LRFN1: variants seen among roughly 807,000 people sequenced by gnomAD.
LRFN1 encodes leucine rich repeat and fibronectin type III domain containing 1.
In LRFN1, 20 loss-of-function variants were observed where a neutral mutation model predicts 31.8. That is an observed-to-expected ratio of 0.63 (90% confidence interval 0.44 to 0.91). The LOEUF (loss-of-function observed/expected upper bound fraction) is 0.91. Among genes scored for constraint, LRFN1 ranks in the 40% least tolerant of loss-of-function variants. LRFN1 has a pLI of 0.00. For missense variants in LRFN1, 912 were observed against 1,129.8 expected (o/e 0.81, Z 2.76); for synonymous variants, 514 against 541.3 (o/e 0.95, Z 0.70).
chr19:39,313,601 A>C (rs1243365617), intron 4 of LRFN1, among the ~76,000 whole-genome samples: 2 of 152,172 alleles, frequency 1.3e-5, no homozygotes, highest in African/African-American at 4.8e-5. Context: ...TGTTTAACTG[A>C]AGAGGTGCAC....
At chr19:39,319,966 T>C (rs1456089893) in intron 1 of LRFN1, among the ~76,000 whole-genome samples, 1 of 146,940 alleles carries the variant, frequency 6.8e-6, no homozygotes, top group Non-Finnish European at 1.5e-5. Flanking sequence ...TGCAGATGTC[T>C]GGCCGGTGGG....
intron 1 of LRFN1, among the ~76,000 whole-genome samples, chr19:39,319,031 CAT>C (rs2075180177): frequency 2.0e-5 from 3 of 152,238 alleles, no homozygotes; most frequent in Admixed American, 6.5e-5. Flanking sequence ...GGCACAGACA[CAT>C]GTGTCTTTCA....
chr19:39,313,446 G>A (rs931604198), intron 4 of LRFN1, among the ~76,000 whole-genome samples: 1 of 152,320 alleles, frequency 6.6e-6, no homozygotes. Flanking sequence ...GACGAGATTC[G>A]CTTGAACCCG....
chr19:39,314,413 C>T lies in LRFN1; in HGVS notation c.924G>A (p.Arg308=). 1 of 1,604,062 alleles carries T rather than the reference C, an allele frequency of 6.2e-7. No homozygotes were observed. The highest frequency in any genetic ancestry group is 8.5e-7 in the Non-Finnish European group (1 of 1,176,924). Residue 308 remains arginine, a synonymous_variant, in exon 4 of 5, where the codon CGG becomes CGA. Transcript: ENST00000248668. ...PPLITRQAGG[R]ALVVEGQAVS... Reference sequence around the variant, plus strand: ...CCGCCTGGCCTTCCACCACCAGGGCCCGGCCCCCCGCCTGCCGTGTGATCA... The same window carrying T: ...CCGCCTGGCCTTCCACCACCAGGGCTCGGCCCCCCGCCTGCCGTGTGATCA...
In LRFN1 at chr19:39,308,376, G is replaced by C. The variant is rs776635148; in HGVS notation, c.1573C>G (p.Arg525Gly). Residue 525 changes from arginine (R) to glycine (G), a missense_variant, in exon 5 of 5, where the codon CGC becomes GGC. This residue lies in a region of LRFN1 where 511 missense variants were observed against 557.0 expected (regional missense o/e 0.92). Transcript: ENST00000248668. The surrounding 1 kb of genome is among the most constrained non-coding windows in gnomAD (Gnocchi z 6.2). The part of the protein sequence containing the change: ...FTTAGDPAPC[R>G]PLRAHFLGGT... Reference sequence around the variant, plus strand: ...CCCAAGAAATGGGCCCTCAGCGGGCGGCAGGGCGCCGGATCCCCAGCGGTG... The same window carrying C: ...CCCAAGAAATGGGCCCTCAGCGGGCCGCAGGGCGCCGGATCCCCAGCGGTG... 9 of 1,611,696 alleles carry C rather than the reference G, an allele frequency of 5.6e-6. No individual in the cohort carries two copies. In the South Asian group the frequency reaches 9.9e-5, roughly 18 times the overall value.
Position 39,308,494 on chromosome 19 carries a change from C to A in LRFN1, c.1455G>T (p.Ala485=). The A allele has an allele frequency of 1.2e-6, 2 of 1,601,648 alleles. No homozygotes were observed. Among genetic ancestry groups the A allele is most frequent in the Non-Finnish European group, 1.7e-6 (2 of 1,179,178 alleles). Residue 485 remains alanine (A), a synonymous_variant, in exon 5 of 5, where the codon GCG becomes GCT. Coordinates refer to ENST00000248668, the MANE Select transcript of LRFN1 (RefSeq NM_020862.2). The surrounding 1 kb of genome is among the most constrained non-coding windows in gnomAD (Gnocchi z 6.2). ...GCACGCACAAGTCGTAGGCACGGCC[C>A]GCCGCCAGGTCATTCACCAGGAAGG... ...SQTFLVNDLA[A]GRAYDLCVLA... is the part of the protein sequence containing the mutation.
Position 39,307,675 on chromosome 19 carries a change from C to T in LRFN1, c.2274G>A (p.Leu758=), listed in dbSNP as rs769355365. ...GCATCCACTCGGTGCTGGTGAAAGC[C>T]AGGCACGCCCTGGCGGAGCCCAGCC... The part of the protein sequence containing the change: ...DLGLGSARAC[L]AFTSTEWMLE... The change falls in exon 5 of 5, where the codon CTG becomes CTA. Residue 758 remains leucine, a synonymous_variant. Transcript: ENST00000248668. The surrounding 1 kb of genome is among the most constrained non-coding windows in gnomAD (Gnocchi z 6.7). 39 of 1,497,588 alleles carry T rather than the reference C, an allele frequency of 2.6e-5. No individual in the cohort carries two copies. Among genetic ancestry groups the T allele is most frequent in the Non-Finnish European group, 3.4e-5 (38 of 1,132,222 alleles). 92.8% of individuals were successfully genotyped at this position (1,497,588 alleles called of 1,614,324 possible).
rs778872384 is a variant in LRFN1 at position 39,313,983 on chromosome 19, G to T, written c.1354C>A (p.Arg452Ser). Residue 452 changes from arginine to serine, a missense_variant, in exon 4 of 5, where the codon CGC (arginine) becomes AGC (serine). This residue lies in a region of LRFN1 where 511 missense variants were observed against 557.0 expected (regional missense o/e 0.92). Transcript: ENST00000248668. ...WPAQRPVPGI[R>S]MYQVQYNSSV... is the part of the protein sequence containing the mutation. ...CTGTTGTACTGAACCTGGTACATGC[G>T]TATTCCGGGCACAGGCCTCTGGGCT... The T allele has an allele frequency of 6.2e-7, 1 of 1,608,960 alleles. No homozygotes were observed.
intron 4 of LRFN1, among the ~76,000 whole-genome samples, chr19:39,309,478 CAAAAAAAAAAAAAAAA>C (rs71169583): frequency 6.2e-5 from 2 of 32,004 alleles, no homozygotes; most frequent in Non-Finnish European, 1.1e-4. Context: ...ACAAACAAAC[CAAAAAAAAAAAAAAAA>C]AAAAAAAAAA....
At chr19:39,319,535 C>T (rs999467160) in intron 1 of LRFN1, among the ~76,000 whole-genome samples, 14 of 152,154 alleles carry the variant, frequency 9.2e-5, no homozygotes, top group Admixed American at 2.6e-4. Context: ...TTTGCAGACA[C>T]GCCAAGATGT....
Position 39,315,369 on chromosome 19 carries a change from G to A in LRFN1, c.-33C>T. On this transcript the variant is annotated 5_prime_UTR_variant, in exon 4 of 5. Transcript: ENST00000248668. The surrounding 1 kb of genome is among the most constrained non-coding windows in gnomAD (Gnocchi z 4.7). Reference sequence around the variant, plus strand: ...TGGGAAGGCAGGAGGGGTGGGAGGTGAGACCTGCCGGGGAAGGAGCCGGTT... The same window carrying A: ...TGGGAAGGCAGGAGGGGTGGGAGGTAAGACCTGCCGGGGAAGGAGCCGGTT... The A allele has an allele frequency of 9.8e-6, 14 of 1,429,094 alleles. No homozygotes were observed. The highest frequency in any genetic ancestry group is 1.3e-5 in the Non-Finnish European group (14 of 1,093,282). 88.5% of individuals were successfully genotyped at this position (1,429,094 alleles called of 1,614,324 possible).
chr19:39,313,824 C>T (rs1023658915), intron 4 of LRFN1, 107 bp downstream of exon 4: 1 of 1,018,916 alleles, frequency 9.8e-7, no homozygotes, highest in Admixed American at 2.7e-5. Context: ...GCTCTCACAG[C>T]CATCTAGAAC....
intron 4 of LRFN1, 34 bp downstream of exon 4, chr19:39,313,897 G>T: frequency 6.4e-7 from 1 of 1,551,290 alleles, no homozygotes; most frequent in South Asian, 1.2e-5. Flanking sequence ...CTGGGCTTGG[G>T]AGGAGGCCCT....
rs2075131442 is a variant in LRFN1, at chr19:39,307,136, C to T, written c.*497G>A. The T allele has an allele frequency of 3.5e-5, 14 of 396,862 alleles. No homozygotes were observed. Among genetic ancestry groups the T allele is most frequent in the Admixed American group, 3.5e-4 (8 of 22,678 alleles). 24.6% of individuals were successfully genotyped at this position (396,862 alleles called of 1,614,324 possible). On this transcript the variant is annotated 3_prime_UTR_variant, in exon 5 of 5. Coordinates refer to ENST00000248668, the MANE Select transcript of LRFN1 (RefSeq NM_020862.2). The surrounding 1 kb of genome is among the most constrained non-coding windows in gnomAD (Gnocchi z 6.7). Reference sequence around the variant, plus strand: ...GAGGGAAACAGAGAAAGGGGGACCCCAAGCCAGACCCGACCGGACCAGGAA... The same window carrying T: ...GAGGGAAACAGAGAAAGGGGGACCCTAAGCCAGACCCGACCGGACCAGGAA...
intron 2 of LRFN1, among the ~76,000 whole-genome samples, chr19:39,317,381 G>A (rs553510494): frequency 1.3e-5 from 2 of 152,206 alleles, no homozygotes; most frequent in East Asian, 3.9e-4. Context: ...ACTCTACAAT[G>A]TACTGGAAAC....
At position 39,315,088 on chromosome 19, in the gene LRFN1, T is replaced by TCGGCGGCGCA; in HGVS notation, c.239_248dup (p.Asp84AlafsTer78). On this transcript the variant is annotated frameshift_variant, in exon 4 of 5. Coordinates refer to ENST00000248668, the MANE Select transcript of LRFN1 (RefSeq NM_020862.2). LOFTEE classifies it high-confidence loss of function. The surrounding 1 kb of genome is among the most constrained non-coding windows in gnomAD (Gnocchi z 4.7). ...CCAGGCTGGTCATGTTGGCGAAGTC[T>TCGGCGGCGCA]CGGCGGCGCACGGCGGCGATGAAGT... 1 of 1,595,390 alleles carries TCGGCGGCGCA rather than the reference T, an allele frequency of 6.3e-7. No individual in the cohort carries two copies. Among genetic ancestry groups the TCGGCGGCGCA allele is most frequent in the Non-Finnish European group, 8.5e-7 (1 of 1,178,214 alleles).
At position 39,314,079 on chromosome 19, in the gene LRFN1, T is replaced by C. The variant is rs754005367; in HGVS notation, c.1258A>G (p.Asn420Asp). ...AGCCGACGCTCAGCCGCAGAATCGT[T>C]GGCACCTGGTCTGCCCGGCGTGGCG... ...DIATPGRPGA[N>D]DSAAERRLVA... The change falls in exon 4 of 5, where the codon AAC becomes GAC. Residue 420 changes from asparagine to aspartate, a missense_variant. Coordinates refer to ENST00000248668, the MANE Select transcript of LRFN1 (RefSeq NM_020862.2). 1 of 1,612,692 alleles carries C rather than the reference T, an allele frequency of 6.2e-7. No individual in the cohort carries two copies.
intron 4 of LRFN1, among the ~76,000 whole-genome samples, chr19:39,309,496 A>C (rs1232197066): frequency 4.0e-5 from 6 of 149,580 alleles, no homozygotes; most frequent in Admixed American, 2.0e-4. Flanking sequence ...AAAAAAAAAA[A>C]AAAAAAAAAA....
chr19:39,316,797 C>T (rs551492408), intron 2 of LRFN1, among the ~76,000 whole-genome samples: 7 of 152,222 alleles, frequency 4.6e-5, no homozygotes, highest in South Asian at 2.1e-4. Context: ...CTGCAGCCCA[C>T]GACATGTCAG....
Sources: allele counts gnomAD v4.1 joint callset (sites outside exome capture counted in the v4.1 genomes callset), GRCh38; gene constraint gnomAD v4.1.1; regional missense constraint gnomAD v4.1.1; non-coding constraint Gnocchi (gnomAD v3.1); transcripts MANE v1.5; gene names NCBI Gene and HGNC (gene_info 2026-07-23, HGNC 2026-07-21).